Variants in FRS2 observed in about 807,000 individuals in gnomAD.
The protein encoded by FRS2 is FGFR signalling adaptor.
In FRS2, 8 loss-of-function variants were observed where a neutral mutation model predicts 43.9. The ratio of observed to expected loss-of-function variants is 0.18; its 90% CI spans 0.11 to 0.33. The LOEUF (loss-of-function observed/expected upper bound fraction) is 0.33. FRS2 is among the 10% of genes least tolerant of loss of function. FRS2 has a pLI of 1.00. For missense variants in FRS2, 534 were observed against 627.6 expected, an observed-to-expected ratio of 0.85 and a Z score of 1.59; for synonymous variants, 219 against 220.3, an observed-to-expected ratio of 0.99 and a Z score of 0.05.
chr12:69,478,724 ATGTGTGTGTGTGTGTG>A (rs59945124), intron 1 of FRS2, among the ~76,000 whole-genome samples: 2,567 of 146,320 alleles, frequency 0.018, 79 homozygotes, highest in African/African-American at 0.061. Context: ...ATACATCATT[ATGTGTGTGTGTGTGTG>A]TGTGTGTGTG....
intron 8 of FRS2, among the ~76,000 whole-genome samples, chr12:69,573,015 T>G (rs1338763379): frequency 6.6e-6 from 1 of 152,188 alleles, no homozygotes; most frequent in Non-Finnish European, 1.5e-5. Context: ...ATATTTTTAG[T>G]AGAGACCGGG....
chr12:69,571,417 C>G lies in FRS2; in HGVS notation c.395C>G (p.Thr132Arg), dbSNP rs1880743616. ...NHQTELEVPR[T>R]PRTPTTPGFA... Reference sequence around the variant, plus strand: ...CAGACAGAATTGGAAGTCCCTAGAACACCTCGAACACCTACAAGTAAGTAC... The same window carrying G: ...CAGACAGAATTGGAAGTCCCTAGAAGACCTCGAACACCTACAAGTAAGTAC... Residue 132 changes from threonine (T) to arginine (R), a missense_variant, in exon 7 of 9, where the codon ACA becomes AGA. By Grantham distance (71) the Thr-to-Arg change is moderately conservative. Transcript: ENST00000549921. 1.2e-6 allele frequency: 2 copies of G among 1,611,784 alleles called. No homozygotes were observed. The highest frequency in any genetic ancestry group is 1.3e-5 in the African/African-American group (1 of 74,864).
chr12:69,502,135 T>C (rs1217404065), intron 1 of FRS2, among the ~76,000 whole-genome samples: 3 of 152,056 alleles, frequency 2.0e-5, no homozygotes, highest in Non-Finnish European at 4.4e-5. Context: ...CCGGCTAATT[T>C]TTGTATTTTT....
intron 1 of FRS2, among the ~76,000 whole-genome samples, chr12:69,486,961 A>C (rs1872012941): frequency 6.6e-6 from 1 of 152,222 alleles, no homozygotes; most frequent in African/African-American, 2.4e-5. Flanking sequence ...TGTAACATAA[A>C]AGTGCAAGGT....
intron 5 of FRS2, among the ~76,000 whole-genome samples, chr12:69,569,911 A>C (rs1366930712): frequency 6.6e-6 from 1 of 152,130 alleles, no homozygotes; most frequent in Non-Finnish European, 1.5e-5. Context: ...GTTCTGCTTT[A>C]ACATTGTGTC....
intron 4 of FRS2, among the ~76,000 whole-genome samples, chr12:69,564,918 G>A (rs897064380): frequency 6.6e-6 from 1 of 152,152 alleles, no homozygotes; most frequent in Non-Finnish European, 1.5e-5. Context: ...AATTATTGTT[G>A]TATTGAACTC....
intron 1 of FRS2, among the ~76,000 whole-genome samples, chr12:69,523,042 A>C (rs1875848685): frequency 6.6e-6 from 1 of 152,198 alleles, no homozygotes; most frequent in Admixed American, 6.5e-5. Flanking sequence ...TGGCGATAAG[A>C]AGAATGTATA....
At chr12:69,565,287 G>A (rs1040861670) in intron 4 of FRS2, among the ~76,000 whole-genome samples, 27 of 152,248 alleles carry the variant, frequency 1.8e-4, no homozygotes, top group African/African-American at 4.8e-5. Flanking sequence ...GGAGGTTACA[G>A]AACTGGAAGT....
chr12:69,538,518 A>G (rs1444880373), intron 3 of FRS2, among the ~76,000 whole-genome samples: 1 of 152,108 alleles, frequency 6.6e-6, no homozygotes, highest in Non-Finnish European at 1.5e-5. Context: ...AAGCTAAAAT[A>G]AAATGATTCA....
At chr12:69,472,227 T>C (rs1870369935) in intron 1 of FRS2, among the ~76,000 whole-genome samples, 2 of 151,472 alleles carry the variant, frequency 1.3e-5, no homozygotes, top group Admixed American at 6.6e-5. Flanking sequence ...GCTAGGACTA[T>C]AGGCACCAAC....
At chr12:69,477,986 C>T (rs2120676878) in intron 1 of FRS2, among the ~76,000 whole-genome samples, 1 of 151,936 alleles carries the variant, frequency 6.6e-6, no homozygotes, top group East Asian at 1.9e-4. Flanking sequence ...TGTGATCCGC[C>T]CACCTCGGCC....
intron 3 of FRS2, among the ~76,000 whole-genome samples, chr12:69,536,687 C>T (rs1489138219): frequency 2.6e-5 from 4 of 152,028 alleles, no homozygotes; most frequent in Admixed American, 6.6e-5. Context: ...CCTCCCACCT[C>T]AGCCTCTCAA....
intron 4 of FRS2, among the ~76,000 whole-genome samples, chr12:69,565,544 A>AT (rs935793108): frequency 3.3e-5 from 5 of 152,058 alleles, no homozygotes; most frequent in African/African-American, 1.2e-4. Flanking sequence ...GTACAGAAGT[A>AT]TTTTTTTATA....
chr12:69,472,832 T>A (rs1359608820), intron 1 of FRS2, among the ~76,000 whole-genome samples: 1 of 152,080 alleles, frequency 6.6e-6, no homozygotes, highest in Non-Finnish European at 1.5e-5. Context: ...ATACTAACAA[T>A]TTTTTTTGTA....
chr12:69,490,816 A>G (rs1233278786), intron 1 of FRS2, among the ~76,000 whole-genome samples: 2 of 152,226 alleles, frequency 1.3e-5, no homozygotes, highest in Non-Finnish European at 2.9e-5. Flanking sequence ...GTTATTGGTA[A>G]CCTCTAGTAG....
intron 3 of FRS2, among the ~76,000 whole-genome samples, chr12:69,551,053 GA>G (rs1311530173): frequency 1.3e-5 from 2 of 151,958 alleles, no homozygotes; most frequent in East Asian, 1.9e-4. Flanking sequence ...TTAAAAAAAA[GA>G]AAAAAGAAAG....
At chr12:69,507,688 C>T (rs116450628) in intron 1 of FRS2, among the ~76,000 whole-genome samples, 4 of 152,138 alleles carry the variant, frequency 2.6e-5, no homozygotes, top group African/African-American at 4.8e-5. Context: ...TATGTTAATT[C>T]GATTATATTT....
At chr12:69,557,631 C>CAT (rs968452168) in intron 3 of FRS2, among the ~76,000 whole-genome samples, 2 of 121,004 alleles carry the variant, frequency 1.7e-5, no homozygotes, top group African/African-American at 6.6e-5. Context: ...CGCGCGCGCG[C>CAT]GCGCGCAGGT....
chr12:69,540,289 A>G (rs925080833), intron 3 of FRS2, among the ~76,000 whole-genome samples: 5 of 151,768 alleles, frequency 3.3e-5, no homozygotes, highest in Non-Finnish European at 7.4e-5. Flanking sequence ...ATTAAAAAAT[A>G]AAAATAACAA....
Sources: gnomAD v4.1 joint callset for allele counts (sites outside exome capture counted in the v4.1 genomes callset) on GRCh38, gnomAD v4.1.1 for gene constraint, MANE v1.5 for transcripts, NCBI Gene and HGNC (gene_info 2026-07-23, HGNC 2026-07-21) for gene names.